ANKS1B: variants seen among roughly 807,000 people sequenced by gnomAD.
ANKS1B encodes the protein ankyrin repeat and sterile alpha motif domain containing 1B, also known as ankyrin repeat and sterile alpha motif domain-containing protein 1B.
In ANKS1B, 36 loss-of-function variants were observed where a neutral mutation model predicts 148.3. That is an observed-to-expected ratio of 0.24 (90% CI 0.19 to 0.32). The LOEUF is 0.32. ANKS1B is among the 10% of genes least tolerant of loss of function. The pLI, the probability that ANKS1B is intolerant of heterozygous loss-of-function variation, is 1.00. For synonymous variants in ANKS1B, 542 were observed against 560.8 expected (o/e 0.97, Z 0.47); for missense variants, 1,157 against 1,542.6 (o/e 0.75, Z 4.19).
At chr12:98,989,616 A>G (rs920431057) in intron 17 of ANKS1B, among the ~76,000 whole-genome samples, 1 of 152,082 alleles carries the variant, frequency 6.6e-6, no homozygotes. Flanking sequence ...TTTTGATTTC[A>G]TATCAATTTT....
intron 17 of ANKS1B, among the ~76,000 whole-genome samples, chr12:98,986,774 C>T (rs1394568619): frequency 6.6e-6 from 1 of 151,964 alleles, no homozygotes; most frequent in African/African-American, 2.4e-5. Context: ...ATCACCACAC[C>T]TGGATTTTTA....
intron 17 of ANKS1B, among the ~76,000 whole-genome samples, chr12:98,926,494 T>G (rs1438264218): frequency 2.0e-5 from 3 of 152,040 alleles, no homozygotes; most frequent in Non-Finnish European, 4.4e-5. Context: ...AGGAGACATG[T>G]AAATAAAAAG....
At position 99,468,558 on chromosome 12, in the gene ANKS1B, T is replaced by C. The variant is rs562449810; in HGVS notation, c.1439-24749A>G. Among the ~76,000 whole-genome samples, 21 of 152,194 alleles carry C rather than the reference T, an allele frequency of 1.4e-4. No homozygotes were observed. The East Asian group carries it at 3.5e-3, about 25-fold the overall frequency. ...CTACTCGTCTGACAAAGGGCTAATA[T>C]CCAGAATCTACAATGAACTCAAACA... On this transcript the variant is annotated intron_variant, in intron 10 of 26. Coordinates refer to ENST00000683438, the MANE Select transcript of ANKS1B (RefSeq NM_001352186.2).
At chr12:98,916,162 A>G in intron 17 of ANKS1B, among the ~76,000 whole-genome samples, 1 of 152,380 alleles carries the variant, frequency 6.6e-6, no homozygotes, top group Middle Eastern at 3.4e-3. Context: ...TAAAAGTTAT[A>G]GTCATAATAT....
At chr12:98,934,293 C>G (rs749041826) in intron 17 of ANKS1B, among the ~76,000 whole-genome samples, 7 of 152,034 alleles carry the variant, frequency 4.6e-5, no homozygotes, top group Admixed American at 2.6e-4. Flanking sequence ...TTGTGATGAC[C>G]AGTTGACCAT....
intron 22 of ANKS1B, chr12:98,794,447 C>A: frequency 4.5e-6 from 1 of 222,206 alleles, no homozygotes; most frequent in South Asian, 6.8e-5. Flanking sequence ...GCTTGGCAAG[C>A]TTGGCGTTTG....
intron 1 of ANKS1B, among the ~76,000 whole-genome samples, chr12:99,885,761 C>T (rs2092794472): frequency 3.3e-5 from 5 of 152,088 alleles, no homozygotes; most frequent in Admixed American, 6.5e-5. Context: ...CTTCTACTCT[C>T]CTTATTTCTG....
intron 10 of ANKS1B, among the ~76,000 whole-genome samples, chr12:99,471,324 A>G (rs560560866): frequency 2.0e-5 from 3 of 152,014 alleles, no homozygotes; most frequent in African/African-American, 7.2e-5. Context: ...TACATCATAT[A>G]TATTTATGAG....
At chr12:99,603,663 A>T (rs769868976) in intron 9 of ANKS1B, among the ~76,000 whole-genome samples, 1 of 152,126 alleles carries the variant, frequency 6.6e-6, no homozygotes. Context: ...TTCTGGAGGG[A>T]TACAGTAGAA....
chr12:99,592,540 A>G (rs534869870), intron 9 of ANKS1B, among the ~76,000 whole-genome samples: 1 of 152,150 alleles, frequency 6.6e-6, no homozygotes, highest in East Asian at 1.9e-4. Flanking sequence ...GAAATTAGAG[A>G]GAAGCTTTTA....
At chr12:98,887,307 G>A (rs1165939391) in intron 17 of ANKS1B, among the ~76,000 whole-genome samples, 7 of 151,948 alleles carry the variant, frequency 4.6e-5, no homozygotes, top group Non-Finnish European at 1.0e-4. Context: ...AAGTTCCAAG[G>A]TTTTTTATCT....
intron 4 of ANKS1B, among the ~76,000 whole-genome samples, chr12:99,805,263 C>CAAAAGAAAAAAAAA (rs2067457740): frequency 3.5e-5 from 1 of 28,908 alleles, no homozygotes; most frequent in Non-Finnish European, 5.8e-5. Flanking sequence ...GAGGAAAAGG[C>CAAAAGAAAAAAAAA]AAAAAAAAAA....
chr12:99,055,226 C>A lies in ANKS1B; in HGVS notation c.2626-1917G>T, dbSNP rs561838797. The stretch of plus-strand genomic sequence containing the variant: ...AGGTGGTTGAACTAACTCTGTTAAC[C>A]TAAATAATCACTCTGGCCCCAGGAA... On this transcript the variant is annotated intron_variant, in intron 16 of 26. Transcript: ENST00000683438. 3.3e-5 allele frequency among the ~76,000 whole-genome samples: 5 copies of A among 152,238 alleles called. No homozygotes were observed. The East Asian group carries it at 9.7e-4, about 29-fold the overall frequency.
intron 14 of ANKS1B, among the ~76,000 whole-genome samples, chr12:99,236,945 T>G (rs1601931823): frequency 6.6e-6 from 1 of 151,980 alleles, no homozygotes. Context: ...GCTGATATCT[T>G]TTGGAGGATG....
intron 12 of ANKS1B, among the ~76,000 whole-genome samples, chr12:99,390,506 G>A (rs2094021695): frequency 6.6e-6 from 1 of 152,196 alleles, no homozygotes; most frequent in Non-Finnish European, 1.5e-5. Context: ...AAGGCTGAAT[G>A]AGATGGGGAG....
chr12:99,901,075 A>C (rs1208471118), intron 1 of ANKS1B, among the ~76,000 whole-genome samples: 1 of 152,238 alleles, frequency 6.6e-6, no homozygotes, highest in Non-Finnish European at 1.5e-5. Context: ...AAATTTTTCT[A>C]GATAAAAATC....
chr12:99,791,076 GA>G (rs1460231618), intron 4 of ANKS1B, among the ~76,000 whole-genome samples: 4 of 151,914 alleles, frequency 2.6e-5, no homozygotes, highest in Non-Finnish European at 5.9e-5. Context: ...ATAAGTGGAT[GA>G]AAAAAGTATT....
At chr12:99,508,506 A>G (rs1476561743) in intron 9 of ANKS1B, among the ~76,000 whole-genome samples, 1 of 151,292 alleles carries the variant, frequency 6.6e-6, no homozygotes, top group East Asian at 1.9e-4. Context: ...TTATTAAAAT[A>G]TTATATATAA....
At chr12:99,107,448 C>T (rs747871629) in intron 15 of ANKS1B, among the ~76,000 whole-genome samples, 9 of 152,206 alleles carry the variant, frequency 5.9e-5, no homozygotes, top group Non-Finnish European at 1.3e-4. Flanking sequence ...GATAGACATA[C>T]TCAACAGCCT....
Sources: gnomAD v4.1 joint callset for allele counts (sites outside exome capture counted in the v4.1 genomes callset) on GRCh38, gnomAD v4.1.1 for gene constraint, MANE v1.5 for transcripts, NCBI Gene and HGNC (gene_info 2026-07-23, HGNC 2026-07-21) for gene names.